SEC14L5: variants seen among roughly 807,000 people sequenced by gnomAD.
SEC14L5 encodes SEC14-like protein 5.
In SEC14L5, 96 loss-of-function variants were observed where a neutral mutation model predicts 84.6. That is an observed-to-expected ratio of 1.13 (90% CI 0.96 to 1.34). The LOEUF (loss-of-function observed/expected upper bound fraction) is 1.34, where lower values mean the gene tolerates loss of function less well. Among genes scored for constraint, SEC14L5 ranks in the 40% most tolerant of loss-of-function variants. The pLI is 0.00. For synonymous variants in SEC14L5, 546 were observed against 383.4 expected (o/e 1.42, Z -4.95); for missense variants, 1,224 against 942.5 (o/e 1.30, Z -3.91).
intron 11 of SEC14L5, among the ~76,000 whole-genome samples, chr16:5,005,490 G>C (rs920941732): frequency 2.0e-5 from 3 of 152,042 alleles, no homozygotes; most frequent in Admixed American, 1.3e-4. Flanking sequence ...GCACAAGCTA[G>C]TGAGTGCACT....
At chr16:4,982,278 G>T (rs898404701) in intron 2 of SEC14L5, among the ~76,000 whole-genome samples, 1 of 152,170 alleles carries the variant, frequency 6.6e-6, no homozygotes, top group Non-Finnish European at 1.5e-5. Context: ...GTCCTCAGAT[G>T]CCGGCACTAT....
chr16:4,971,325 G>A (rs936500889), intron 2 of SEC14L5, among the ~76,000 whole-genome samples: 1 of 152,114 alleles, frequency 6.6e-6, no homozygotes, highest in African/African-American at 2.4e-5. Flanking sequence ...TGGGCATGGT[G>A]ATGTGTGCCT....
rs1356212882 is a variant in SEC14L5, at chr16:4,988,281, G to A, written c.345+1G>A. 5.6e-6 allele frequency: 9 copies of A among 1,613,386 alleles called. No individual in the cohort carries two copies. The highest frequency in any genetic ancestry group is 7.6e-6 in the Non-Finnish European group (9 of 1,179,730). On this transcript the variant is annotated splice_donor_variant, in intron 4 of 15. Transcript: ENST00000251170. LOFTEE classifies it high-confidence loss of function. ...GGTGAACGAGCACTGCAGCTACACG[G>A]TGAGCCCAGGCCACCCTCAGCGCCC...
At chr16:4,974,193 T>C (rs1955313049) in intron 2 of SEC14L5, among the ~76,000 whole-genome samples, 1 of 152,098 alleles carries the variant, frequency 6.6e-6, no homozygotes, top group Non-Finnish European at 1.5e-5. Context: ...ATGAATGTAC[T>C]GAATGAAACA....
intron 14 of SEC14L5, among the ~76,000 whole-genome samples, chr16:5,010,371 AAAAAC>A (rs1275574662): frequency 6.6e-6 from 1 of 152,014 alleles, no homozygotes; most frequent in African/African-American, 2.4e-5. Context: ...CTCAGAAAAA[AAAAAC>A]AAAACTGTAG....
Position 5,000,717 on chromosome 16 carries a change from G to T in SEC14L5, c.1033G>T (p.Val345Leu). 1 of 1,552,622 alleles carries T rather than the reference G, an allele frequency of 6.4e-7. No homozygotes were observed. Among genetic ancestry groups the T allele is most frequent in the Non-Finnish European group, 8.7e-7 (1 of 1,147,718 alleles). The change falls in exon 9 of 16, where the codon GTG (valine) becomes TTG (leucine). Residue 345 changes from valine (V) to leucine (L), a missense_variant. Physicochemically the swap from Val to Leu is conservative, Grantham distance 32. Coordinates refer to ENST00000251170, the MANE Select transcript of SEC14L5 (RefSeq NM_014692.2). ...QMDTKGLMKA[V>L]GEEALLRHVL... ...GGACACCAAAGGCTTGATGAAGGCC[G>T]TGGGGGAGGAGGCGCTGCTGCGGCA...
intron 2 of SEC14L5, among the ~76,000 whole-genome samples, chr16:4,977,380 G>C: frequency 6.9e-6 from 1 of 144,666 alleles, no homozygotes; most frequent in Non-Finnish European, 1.5e-5. Context: ...CCAGGAGGCG[G>C]AGGCGGCAGT....
At chr16:5,013,726 T>C (rs1032777014) in intron 15 of SEC14L5, among the ~76,000 whole-genome samples, 2 of 151,912 alleles carry the variant, frequency 1.3e-5, no homozygotes, top group African/African-American at 4.8e-5. Context: ...CCCTGGCTAA[T>C]TTTTATATTT....
intron 2 of SEC14L5, among the ~76,000 whole-genome samples, chr16:4,962,307 T>C (rs896424021): frequency 6.6e-6 from 1 of 152,142 alleles, no homozygotes; most frequent in Non-Finnish European, 1.5e-5. Context: ...GTTCCACAAA[T>C]GAAGGCACGG....
intron 2 of SEC14L5, among the ~76,000 whole-genome samples, chr16:4,964,378 G>A (rs1374537495): frequency 6.6e-6 from 1 of 151,996 alleles, no homozygotes; most frequent in Non-Finnish European, 1.5e-5. Flanking sequence ...CATGAGGTTT[G>A]GAGATCAAGA....
rs986927449 is a variant in SEC14L5, at chr16:5,019,096, G to A, written c.*4126G>A. 5 of 152,204 alleles carry A rather than the reference G, an allele frequency of 3.3e-5. No homozygotes were observed. The highest frequency in any genetic ancestry group is 1.9e-4 in the East Asian group (1 of 5,194). The allele number at this position is 152,204 out of a possible 1,614,324, so 9.4% of individuals were successfully genotyped here. A position where few individuals can be genotyped will look rare whatever the true frequency, so the allele number is the denominator to read the frequency against. ...TCAGCCTGTGGCCTGCAGGCTGCAC[G>A]CGGCCCCGGACTGCTTTGAATGTGC... On this transcript the variant is annotated 3_prime_UTR_variant, in exon 16 of 16. Coordinates refer to ENST00000251170, the MANE Select transcript of SEC14L5 (RefSeq NM_014692.2).
rs1273669268 is a variant in SEC14L5, at chr16:5,018,545, T to C, written c.*3575T>C. On this transcript the variant is annotated 3_prime_UTR_variant, in exon 16 of 16. Coordinates refer to ENST00000251170, the MANE Select transcript of SEC14L5 (RefSeq NM_014692.2). The stretch of plus-strand genomic sequence containing the variant: ...AGCCAGGCGTGGTGGTGCGTGCCTA[T>C]AGTCTCAGCTGCTCGGGAGGCTGAG... 6.6e-6 allele frequency: 1 copy of C among 152,174 alleles called. No homozygotes were observed. The highest frequency in any genetic ancestry group is 1.5e-5 in the Non-Finnish European group (1 of 68,056). The allele number at this position is 152,174 out of a possible 1,614,324, so 9.4% of individuals were successfully genotyped here.
chr16:5,006,127 G>A (rs1955729941), intron 12 of SEC14L5, 79 bp downstream of exon 12: 1 of 1,479,432 alleles, frequency 6.8e-7, no homozygotes, highest in Non-Finnish European at 9.3e-7. Flanking sequence ...TTCCCGGAGT[G>A]GGGCTGGGAG....
At position 5,011,207 on chromosome 16, in the gene SEC14L5, T is replaced by G; in HGVS notation, c.1913T>G (p.Leu638Arg). 4 of 1,613,880 alleles carry G rather than the reference T, an allele frequency of 2.5e-6. No individual in the cohort carries two copies. Among genetic ancestry groups the G allele is most frequent in the Non-Finnish European group, 3.4e-6 (4 of 1,179,876 alleles). Residue 638 changes from leucine (L) to arginine (R), a missense_variant, in exon 15 of 16, where the codon CTG (leucine) becomes CGG (arginine). Leu to Arg is a moderately radical substitution (Grantham distance 102, BLOSUM62 -2). Coordinates refer to ENST00000251170, the MANE Select transcript of SEC14L5 (RefSeq NM_014692.2). ...GGTGTGGACGATGTCCTGACGGCTCTGCACAGCCCCGGGCCCAAGTGCAAA... is the reference window on the plus strand; with the variant it reads ...GGTGTGGACGATGTCCTGACGGCTCGGCACAGCCCCGGGCCCAAGTGCAAA... ...LPGVDDVLTA[L>R]HSPGPKCKLL...
At chr16:4,977,816 T>C (rs1955365225) in intron 2 of SEC14L5, among the ~76,000 whole-genome samples, 2 of 151,714 alleles carry the variant, frequency 1.3e-5, no homozygotes, top group African/African-American at 4.8e-5. Flanking sequence ...TTATTATTAT[T>C]ATTTTTGAGA....
chr16:4,996,775 T>G (rs756152134), intron 7 of SEC14L5, 80 bp from the exon 8 acceptor site: 86 of 1,116,218 alleles, frequency 7.7e-5, no homozygotes, highest in Non-Finnish European at 1.1e-4. Flanking sequence ...TCTCACCATG[T>G]TGCCCCGGCT....
Position 5,008,619 on chromosome 16 carries a change from C to G in SEC14L5, c.1771C>G (p.Leu591Val). ...GGATTACAGCCGTGTGGAGGCTCCC[C>G]TTGTCTGCCGGGAGGGGGAGAGCAT... is the stretch of plus-strand genomic sequence containing the variant. Reference protein sequence around the residue: ...GRDYSRVEAPLVCREGESIQG... With the variant: ...GRDYSRVEAPVVCREGESIQG... The change falls in exon 14 of 16, where the codon CTT (leucine) becomes GTT (valine). Residue 591 changes from leucine to valine, a missense_variant. Transcript: ENST00000251170. 6.2e-7 allele frequency: 1 copy of G among 1,604,776 alleles called. No homozygotes were observed. The highest frequency in any genetic ancestry group is 8.5e-7 in the Non-Finnish European group (1 of 1,177,644).
chr16:5,004,551 C>G (rs143278195), intron 11 of SEC14L5, among the ~76,000 whole-genome samples: 1 of 151,954 alleles, frequency 6.6e-6, no homozygotes, highest in Non-Finnish European at 1.5e-5. Flanking sequence ...GAGGGAATGT[C>G]CTTGCAGAAT....
intron 2 of SEC14L5, among the ~76,000 whole-genome samples, chr16:4,967,562 GTTTTTTTTTTTTTT>G (rs869061549): frequency 2.7e-4 from 10 of 37,114 alleles, no homozygotes; most frequent in East Asian, 2.5e-3. Context: ...TCTTTCTTTC[GTTTTTTTTTTTTTT>G]TTTTTTTTTT....
Sources: gnomAD v4.1 joint callset for allele counts (sites outside exome capture counted in the v4.1 genomes callset) on GRCh38, gnomAD v4.1.1 for gene constraint, MANE v1.5 for transcripts, NCBI Gene and HGNC (gene_info 2026-07-23, HGNC 2026-07-21) for gene names.